Variants in TRAF3IP2 observed in about 807,000 individuals in gnomAD.
TRAF3IP2 encodes TRAF3 interacting protein 2.
A neutral mutation model predicts 57.9 loss-of-function variants in TRAF3IP2; 35 were observed. That is an observed-to-expected ratio of 0.60 (90% CI 0.46 to 0.80). The LOEUF (loss-of-function observed/expected upper bound fraction) is 0.80. TRAF3IP2 is among the 30% of genes least tolerant of loss of function. TRAF3IP2 has a pLI of 0.00. For synonymous variants in TRAF3IP2, 251 were observed against 268.9 expected, an observed-to-expected ratio of 0.93 and a Z score of 0.65; for missense variants, 556 against 706.4, an observed-to-expected ratio of 0.79 and a Z score of 2.41.
In TRAF3IP2 at chr6:111,589,947, T is replaced by C. The variant is rs1256375025; in HGVS notation, c.829+1311A>G. ...CATCAGGCCTTTGGTCAGGCACTTC[T>C]TACACTCTGAACTACTTTCTGTCCA... On this transcript the variant is annotated intron_variant, in intron 2 of 8. Coordinates refer to ENST00000368761, the MANE Select transcript of TRAF3IP2 (RefSeq NM_147686.4). Among the ~76,000 whole-genome samples, 5 of 152,366 alleles carry C rather than the reference T, an allele frequency of 3.3e-5. No homozygotes were observed. The East Asian group carries it at 9.6e-4, about 29-fold the overall frequency.
At chr6:111,576,160 T>C (rs1013973408) in intron 3 of TRAF3IP2, among the ~76,000 whole-genome samples, 2 of 152,124 alleles carry the variant, frequency 1.3e-5, no homozygotes, top group Non-Finnish European at 2.9e-5. Flanking sequence ...ACACAGATGG[T>C]TGATGTTATA....
At chr6:111,605,670 G>C (rs894530074) in intron 1 of TRAF3IP2, 106 bp downstream of exon 1, 1 of 152,358 alleles carries the variant, frequency 6.6e-6, no homozygotes, top group Non-Finnish European at 1.5e-5. Context: ...GAACACAGAG[G>C]AAAGTAGAGG....
chr6:111,561,166 A>G (rs1159459405), intron 8 of TRAF3IP2, among the ~76,000 whole-genome samples: 30 of 147,454 alleles, frequency 2.0e-4, no homozygotes, highest in Admixed American at 1.8e-3. Flanking sequence ...TGGGCAACAG[A>G]GCAAGACCCT....
At chr6:111,561,957 T>C (rs1795462119) in intron 8 of TRAF3IP2, among the ~76,000 whole-genome samples, 1 of 152,162 alleles carries the variant, frequency 6.6e-6, no homozygotes, top group Non-Finnish European at 1.5e-5. Context: ...CTGTGCACCA[T>C]ACAGCCTGAG....
chr6:111,566,171 G>A (rs138145005), intron 7 of TRAF3IP2, among the ~76,000 whole-genome samples: 182 of 152,296 alleles, frequency 1.2e-3, no homozygotes, highest in African/African-American at 4.1e-3. Context: ...AGCAGAGCAC[G>A]TCTTTCCAGA....
intron 1 of TRAF3IP2, among the ~76,000 whole-genome samples, chr6:111,596,536 C>T (rs1440338433): frequency 6.6e-6 from 1 of 152,240 alleles, no homozygotes; most frequent in Non-Finnish European, 1.5e-5. Context: ...TCACTGCAAC[C>T]TCTGCCTCCC....
chr6:111,592,379 C>T (rs1796550972), intron 1 of TRAF3IP2, among the ~76,000 whole-genome samples: 1 of 152,228 alleles, frequency 6.6e-6, no homozygotes, highest in African/African-American at 2.4e-5. Flanking sequence ...TGAAAATCAA[C>T]TGCCAAGTAT....
chr6:111,580,144 C>T (rs1796109624), intron 3 of TRAF3IP2, 53 bp downstream of exon 3: 1 of 1,573,198 alleles, frequency 6.4e-7, no homozygotes, highest in Non-Finnish European at 8.6e-7. Context: ...ATTGCATTGG[C>T]ATAATTCCTT....
chr6:111,566,742 C>A (rs529742058), intron 6 of TRAF3IP2, among the ~76,000 whole-genome samples, 182 bp from the exon 7 acceptor site: 11 of 152,308 alleles, frequency 7.2e-5, no homozygotes, highest in African/African-American at 2.6e-4. Context: ...CCACCTTGAA[C>A]ATGCAGAGCA....
Position 111,579,453 on chromosome 6 carries a change from C to A in TRAF3IP2, c.1022+744G>T, listed in dbSNP as rs936954491. The stretch of plus-strand genomic sequence containing the variant: ...TTTTATTACAAAAGAAAATAATAGG[C>A]CAGGCACAGTGGCTCATGCCTGTAA... On this transcript the variant is annotated intron_variant, in intron 3 of 8. Coordinates refer to ENST00000368761, the MANE Select transcript of TRAF3IP2 (RefSeq NM_147686.4). Among the ~76,000 whole-genome samples the A allele has an allele frequency of 2.0e-5, 3 of 151,952 alleles. No individual in the cohort carries two copies. The South Asian group carries it at 6.2e-4, about 31-fold the overall frequency.
rs115196254 is a variant in TRAF3IP2 at position 111,576,383 on chromosome 6, G to C, written c.1023-562C>G. ...CCAGTATTCCCACGAGCATTCTGCT[G>C]AGATGAACAATCAGATGACCTCGTG... On this transcript the variant is annotated intron_variant, in intron 3 of 8. Coordinates refer to ENST00000368761, the MANE Select transcript of TRAF3IP2 (RefSeq NM_147686.4). The C allele has an allele frequency of 5.4e-3, 825 of 152,400 alleles. 12 individuals are homozygous for C. The highest frequency in any genetic ancestry group is 0.018 in the African/African-American group (751 of 41,536). 9.4% of individuals were successfully genotyped at this position (152,400 alleles called of 1,614,324 possible). A position where few individuals can be genotyped will look rare whatever the true frequency, so the allele number is the denominator to read the frequency against.
At chr6:111,605,721 A>C (rs1408119427) in intron 1 of TRAF3IP2, 55 bp downstream of exon 1, 1 of 152,380 alleles carries the variant, frequency 6.6e-6, no homozygotes, top group Non-Finnish European at 1.5e-5. Context: ...GCTTTGGGAA[A>C]TAGGTCAGAG....
intron 2 of TRAF3IP2, among the ~76,000 whole-genome samples, chr6:111,583,553 G>GCTCCTTAT (rs1796229598): frequency 6.6e-6 from 1 of 152,162 alleles, no homozygotes. Context: ...TAGGCTGCAC[G>GCTCCTTAT]CTCCTTATGA....
intron 1 of TRAF3IP2, chr6:111,601,929 G>A (rs1796879417): frequency 6.6e-6 from 1 of 152,252 alleles, no homozygotes; most frequent in Admixed American, 6.5e-5. Context: ...TCATAACACT[G>A]GTTTGCTGAG....
intron 3 of TRAF3IP2, among the ~76,000 whole-genome samples, chr6:111,578,446 G>A (rs1242498322): frequency 6.6e-6 from 1 of 152,108 alleles, no homozygotes; most frequent in African/African-American, 2.4e-5. Context: ...TTTGAAACCA[G>A]CCTGGGCAAC....
intron 1 of TRAF3IP2, among the ~76,000 whole-genome samples, chr6:111,605,331 G>C (rs1347113216): frequency 6.6e-6 from 1 of 152,180 alleles, no homozygotes. Flanking sequence ...TTTCCCCCCT[G>C]CACGAAACAA....
chr6:111,581,600 G>A (rs1796166364), intron 2 of TRAF3IP2, among the ~76,000 whole-genome samples: 1 of 152,258 alleles, frequency 6.6e-6, no homozygotes, highest in Non-Finnish European at 1.5e-5. Flanking sequence ...ATATATGGAT[G>A]TACAGCAAAA....
chr6:111,601,642 C>G (rs555766532), intron 1 of TRAF3IP2: 9 of 155,114 alleles, frequency 5.8e-5, no homozygotes, highest in African/African-American at 2.2e-4. Context: ...TGGATTTTTT[C>G]TTAAGCTTTC....
intron 1 of TRAF3IP2, among the ~76,000 whole-genome samples, chr6:111,596,674 A>G (rs1006519738): frequency 2.6e-5 from 4 of 152,156 alleles, no homozygotes; most frequent in African/African-American, 4.8e-5. Context: ...GACTGGTCTC[A>G]AACTCCTGAC....
Sources: allele counts gnomAD v4.1 joint callset (sites outside exome capture counted in the v4.1 genomes callset), GRCh38; gene constraint gnomAD v4.1.1; transcripts MANE v1.5; gene names NCBI Gene and HGNC (gene_info 2026-07-23, HGNC 2026-07-21).